PDE4D: variants seen among roughly 807,000 people sequenced by gnomAD.
PDE4D encodes the protein 3',5'-cyclic-AMP phosphodiesterase 4D.
In PDE4D, 24 loss-of-function variants were observed where a neutral mutation model predicts 87.4. That is an observed-to-expected ratio of 0.27 (90% CI 0.20 to 0.39). The LOEUF (loss-of-function observed/expected upper bound fraction) is 0.39, where lower values mean the gene tolerates loss of function less well. Among genes scored for constraint, PDE4D ranks in the 10% least tolerant of loss-of-function variants. The pLI, the probability that PDE4D is intolerant of heterozygous loss-of-function variation, is 1.00. For synonymous variants in PDE4D, 384 were observed against 383.2 expected, an observed-to-expected ratio of 1.00 and a Z score of -0.02; for missense variants, 714 against 1,041.0, an observed-to-expected ratio of 0.69 and a Z score of 4.32.
chr5:60,074,294 T>C (rs1289102039), intron 2 of PDE4D, among the ~76,000 whole-genome samples: 1 of 152,204 alleles, frequency 6.6e-6, no homozygotes, highest in Non-Finnish European at 1.5e-5. Context: ...CTAAAAGGCA[T>C]TCAAAAGTGG....
chr5:59,580,178 T>C (rs915927127), intron 1 of PDE4D, among the ~76,000 whole-genome samples: 28 of 152,308 alleles, frequency 1.8e-4, no homozygotes, highest in South Asian at 4.1e-4. Context: ...ATTAAAAATA[T>C]ATTGGGCTCT....
chr5:60,161,182 C>T (rs1782447180), intron 2 of PDE4D, among the ~76,000 whole-genome samples: 1 of 152,058 alleles, frequency 6.6e-6, no homozygotes, highest in Admixed American at 6.6e-5. Context: ...TTCTAGTGTT[C>T]CATAAACCTG....
intron 5 of PDE4D, among the ~76,000 whole-genome samples, chr5:59,081,518 T>TAAAAAA (rs35050580): frequency 8.1e-5 from 11 of 135,436 alleles, no homozygotes; most frequent in Non-Finnish European, 9.3e-5. Flanking sequence ...AGTAATCAGG[T>TAAAAAA]AAAAAAAAAA....
chr5:59,638,839 GC>G (rs892441985), intron 1 of PDE4D, among the ~76,000 whole-genome samples: 1 of 152,050 alleles, frequency 6.6e-6, no homozygotes, highest in Admixed American at 6.6e-5. Flanking sequence ...ATGTCCTGAA[GC>G]CCCCAGTTCT....
chr5:60,305,708 TAA>T (rs34949876), intron 1 of PDE4D, among the ~76,000 whole-genome samples: 2 of 141,644 alleles, frequency 1.4e-5, no homozygotes. Context: ...ACTTCTTACT[TAA>T]AAAAAAAAAA....
intron 1 of PDE4D, among the ~76,000 whole-genome samples, chr5:59,555,845 G>A (rs948452392): frequency 6.6e-6 from 1 of 152,038 alleles, no homozygotes; most frequent in Non-Finnish European, 1.5e-5. Flanking sequence ...TCCTACAAAA[G>A]GACATTGTTA....
intron 2 of PDE4D, among the ~76,000 whole-genome samples, chr5:60,010,033 G>C (rs139855838): frequency 1.1e-4 from 16 of 152,048 alleles, no homozygotes; most frequent in Middle Eastern, 6.8e-3. Context: ...TTTAGATAGG[G>C]ATCCATGAGA....
At chr5:59,878,628 G>A (rs562245657) in intron 1 of PDE4D, among the ~76,000 whole-genome samples, 1 of 151,712 alleles carries the variant, frequency 6.6e-6, no homozygotes, top group African/African-American at 2.4e-5. Context: ...TTCATTAATT[G>A]TACTTTTTGG....
Position 60,184,249 on chromosome 5 carries a change from A to AT in PDE4D, c.42+1307dup, listed in dbSNP as rs79022684. Among the ~76,000 whole-genome samples, 883 of 151,238 alleles carry AT rather than the reference A, an allele frequency of 5.8e-3. 61 individuals are homozygous for AT. In the East Asian group the frequency reaches 0.15, roughly 25 times the overall value. On this transcript the variant is annotated intron_variant, in intron 2 of 16. Transcript: ENST00000502484. ...AATATCCTCCCTTTTGCCTTTACAC[A>AT]TTTTTTTTTCAGATCTCATGTCTCT...
At chr5:59,058,561 G>C (rs1377565889) in intron 5 of PDE4D, among the ~76,000 whole-genome samples, 2 of 152,080 alleles carry the variant, frequency 1.3e-5, no homozygotes, top group African/African-American at 4.8e-5. Flanking sequence ...AAAGTGTTCT[G>C]GTTTGAATGC....
chr5:59,984,780 T>C (rs1308481317), intron 3 of PDE4D, among the ~76,000 whole-genome samples: 1 of 152,122 alleles, frequency 6.6e-6, no homozygotes, highest in East Asian at 1.9e-4. Flanking sequence ...TACAAGTCTC[T>C]AGACCCACTG....
Position 58,990,834 on chromosome 5 carries a change from G to C in PDE4D, c.1257C>G (p.Pro419=). Residue 419 remains proline, a synonymous_variant, in exon 9 of 15, where the codon CCC becomes CCG. Coordinates refer to ENST00000340635, the MANE Select transcript of PDE4D (RefSeq NM_001104631.2). ...AAATGGTGTGCATGATAACAGTCAA[G>C]GGCCGGTTACCAGACAACTCTGCTA... The part of the protein sequence containing the change: ...FRIAELSGNR[P]LTVIMHTIFQ... 6.2e-7 allele frequency: 1 copy of C among 1,601,598 alleles called. No homozygotes were observed.
rs1030455444 is a variant in PDE4D, at chr5:58,974,250, A to G, written c.*414T>C. 38 of 155,334 alleles carry G rather than the reference A, an allele frequency of 2.4e-4. No individual in the cohort carries two copies. The highest frequency in any genetic ancestry group is 1.5e-3 in the Admixed American group (24 of 15,714). 9.6% of individuals were successfully genotyped at this position (155,334 alleles called of 1,614,324 possible). ...TCGTGCTATGTCCTGTTCTTGACAT[A>G]TTTGTTGCTTCGTCCATTAAGTTCA... On this transcript the variant is annotated 3_prime_UTR_variant, in exon 15 of 15. Transcript: ENST00000340635.
At chr5:59,336,407 T>C (rs1582028714) in intron 1 of PDE4D, among the ~76,000 whole-genome samples, 1 of 152,366 alleles carries the variant, frequency 6.6e-6, no homozygotes, top group South Asian at 2.1e-4. Flanking sequence ...TGATGACTAT[T>C]ATTATATTTT....
intron 1 of PDE4D, among the ~76,000 whole-genome samples, chr5:59,756,884 G>A (rs537736329): frequency 2.1e-5 from 3 of 140,158 alleles, no homozygotes; most frequent in East Asian, 4.2e-4. Flanking sequence ...AGCAACCTCC[G>A]CCTCCTAGGT....
chr5:60,164,483 A>G (rs940938666), intron 2 of PDE4D, among the ~76,000 whole-genome samples: 1 of 152,192 alleles, frequency 6.6e-6, no homozygotes, highest in Non-Finnish European at 1.5e-5. Flanking sequence ...TCATACTTCT[A>G]GAAAAAAAGA....
At chr5:59,437,964 C>A (rs932585193) in intron 1 of PDE4D, among the ~76,000 whole-genome samples, 2 of 152,074 alleles carry the variant, frequency 1.3e-5, no homozygotes, top group Non-Finnish European at 1.5e-5. Context: ...CACAGGGTGG[C>A]AGGAGAGAGA....
At position 58,986,436 on chromosome 5, in the gene PDE4D, A is replaced by G. The variant is rs1365936759; in HGVS notation, c.1552+2057T>C. 2.2e-5 allele frequency among the ~76,000 whole-genome samples: 3 copies of G among 137,506 alleles called. No individual in the cohort carries two copies. In the East Asian group the frequency reaches 6.6e-4, roughly 30 times the overall value. 90.2% of individuals were successfully genotyped at this position (137,506 alleles called of 152,430 possible). A position where few individuals can be genotyped will look rare whatever the true frequency, so the allele number is the denominator to read the frequency against. On this transcript the variant is annotated intron_variant, in intron 11 of 14. Transcript: ENST00000340635. ...CCGATCCATCCATCGGCTGTGGACC[A>G]ATATCGGTCCGTGGCCTGTCAGGAA...
chr5:59,172,024 AATAAATATATATTATATATATAAT>A (rs1782930120), intron 5 of PDE4D, among the ~76,000 whole-genome samples: 2 of 11,248 alleles, frequency 1.8e-4, no homozygotes, highest in South Asian at 1.4e-3. Flanking sequence ...TTATATATAT[AATAAATATATATTATATATATAAT>A]ATATATATAT....
Sources: allele counts gnomAD v4.1 joint callset (sites outside exome capture counted in the v4.1 genomes callset), GRCh38; gene constraint gnomAD v4.1.1; transcripts MANE v1.5; gene names NCBI Gene and HGNC (gene_info 2026-07-23, HGNC 2026-07-21).